PCSK5: variants seen among roughly 807,000 people sequenced by gnomAD.
PCSK5 encodes proprotein convertase subtilisin/kexin type 5, also known as prohormone convertase 5.
Under a neutral mutation model 233.2 loss-of-function variants are expected in PCSK5, and 129 were observed. That is an observed-to-expected ratio of 0.55 (90% CI 0.48 to 0.64). PCSK5 has a LOEUF of 0.64. PCSK5 is among the 30% of genes least tolerant of loss of function. PCSK5 has a pLI of 0.00. For missense variants in PCSK5, 2,076 were observed against 2,430.1 expected, an observed-to-expected ratio of 0.85 and a Z score of 3.06; for synonymous variants, 825 against 879.2, an observed-to-expected ratio of 0.94 and a Z score of 1.09.
At chr9:75,977,997 T>C (rs1471283833) in intron 2 of PCSK5, among the ~76,000 whole-genome samples, 3 of 152,160 alleles carry the variant, frequency 2.0e-5, no homozygotes, top group Non-Finnish European at 2.9e-5. Context: ...GATCATATCC[T>C]TCATTAATAT....
At position 76,211,743 on chromosome 9, in the gene PCSK5, G is replaced by A. The variant is rs75270137; in HGVS notation, c.2627-15760G>A. Reference sequence around the variant, plus strand: ...CACGCCTGTGGTCCCAGCTACTCAGGAGGCTGAGGCTAGATGAGTGCTTAA... The same window carrying A: ...CACGCCTGTGGTCCCAGCTACTCAGAAGGCTGAGGCTAGATGAGTGCTTAA... On this transcript the variant is annotated intron_variant, in intron 20 of 37. Coordinates refer to ENST00000674117, the MANE Select transcript of PCSK5 (RefSeq NM_001372043.1). Among the ~76,000 whole-genome samples, 1,194 of 152,296 alleles carry A rather than the reference G, an allele frequency of 7.8e-3. 12 individuals are homozygous for A. The highest frequency in any genetic ancestry group is 0.031 in the Middle Eastern group (9 of 294).
At chr9:76,052,962 C>T (rs1383210729) in intron 5 of PCSK5, among the ~76,000 whole-genome samples, 1 of 152,212 alleles carries the variant, frequency 6.6e-6, no homozygotes, top group East Asian at 1.9e-4. Flanking sequence ...AATCTTAAAG[C>T]TCCAAAATGA....
At chr9:75,987,316 T>G (rs532184792) in intron 3 of PCSK5, among the ~76,000 whole-genome samples, 1 of 152,272 alleles carries the variant, frequency 6.6e-6, no homozygotes, top group South Asian at 2.1e-4. Flanking sequence ...TTTTCCCTCC[T>G]CTGGTCTCTT....
intron 12 of PCSK5, among the ~76,000 whole-genome samples, chr9:76,162,559 G>T (rs1822910466): frequency 6.6e-6 from 1 of 152,090 alleles, no homozygotes; most frequent in African/African-American, 2.4e-5. Flanking sequence ...AAATGAAGAG[G>T]TCAGGTTTTA....
chr9:76,344,766 C>A (rs1280371271), intron 35 of PCSK5, among the ~76,000 whole-genome samples: 3 of 152,092 alleles, frequency 2.0e-5, no homozygotes, highest in African/African-American at 7.2e-5. Context: ...ATCTGACGAC[C>A]CTAATTCCAG....
At chr9:75,892,600 G>A (rs1587318713) in intron 1 of PCSK5, among the ~76,000 whole-genome samples, 1 of 152,324 alleles carries the variant, frequency 6.6e-6, no homozygotes, top group South Asian at 2.1e-4. Context: ...GGCTGGTGCC[G>A]GCGGAGTGGG....
chr9:75,937,736 G>A lies in PCSK5; in HGVS notation c.297+5253G>A, dbSNP rs561923564. On this transcript the variant is annotated intron_variant, in intron 2 of 37. Coordinates refer to ENST00000674117, the MANE Select transcript of PCSK5 (RefSeq NM_001372043.1). ...GCTGTCTTCATCATTGATCTTAGCT[G>A]GATCTTCTGTATCACTTGCTGCAGC... Among the ~76,000 whole-genome samples, 13 of 152,266 alleles carry A rather than the reference G, an allele frequency of 8.5e-5. 1 individual carries two copies. The South Asian group carries it at 1.5e-3, about 17-fold the overall frequency.
In PCSK5 at chr9:76,096,601, C is replaced by CT. The variant is rs756676487; in HGVS notation, c.1107+514dup. Among the ~76,000 whole-genome samples, 563 of 140,964 alleles carry CT rather than the reference C, an allele frequency of 4.0e-3. 1 individual carries two copies. The highest frequency in any genetic ancestry group is 0.011 in the Middle Eastern group (3 of 272). The allele number at this position is 140,964 out of a possible 152,430, so 92.5% of individuals were successfully genotyped here. Reference sequence around the variant, plus strand: ...CTAAACCTCTGTAAAAGGTGCGTTTCTTTTTTTTTTTTTTTCCTTTGAGAT... The same window carrying CT: ...CTAAACCTCTGTAAAAGGTGCGTTTCTTTTTTTTTTTTTTTTCCTTTGAGAT... On this transcript the variant is annotated intron_variant, in intron 8 of 37. Coordinates refer to ENST00000674117, the MANE Select transcript of PCSK5 (RefSeq NM_001372043.1).
intron 8 of PCSK5, among the ~76,000 whole-genome samples, chr9:76,099,029 C>G (rs930920219): frequency 6.6e-6 from 1 of 152,206 alleles, no homozygotes; most frequent in Non-Finnish European, 1.5e-5. Context: ...AGGTCATATA[C>G]TTTTCCCCAA....
intron 3 of PCSK5, among the ~76,000 whole-genome samples, chr9:75,987,767 G>A (rs1456509128): frequency 6.6e-6 from 1 of 152,236 alleles, no homozygotes; most frequent in Non-Finnish European, 1.5e-5. Context: ...AGCACTGGCA[G>A]GAGCTAAGGA....
At chr9:76,110,833 G>A (rs1180645478) in intron 9 of PCSK5, among the ~76,000 whole-genome samples, 1 of 152,108 alleles carries the variant, frequency 6.6e-6, no homozygotes, top group Non-Finnish European at 1.5e-5. Flanking sequence ...CTATGGCCAG[G>A]AACAGTGGCT....
intron 21 of PCSK5, among the ~76,000 whole-genome samples, chr9:76,229,337 C>T (rs2067627): frequency 0.02 from 2,981 of 152,292 alleles, 94 homozygotes; most frequent in African/African-American, 0.067. Flanking sequence ...AGCTACCACC[C>T]TTCTTTTACA....
intron 7 of PCSK5, among the ~76,000 whole-genome samples, chr9:76,078,567 A>G (rs1830721291): frequency 6.6e-6 from 1 of 152,234 alleles, no homozygotes; most frequent in Non-Finnish European, 1.5e-5. Context: ...AGCGCCATTT[A>G]TTGAATAAGG....
chr9:76,177,629 A>G (rs940480588), intron 14 of PCSK5, among the ~76,000 whole-genome samples: 18 of 152,212 alleles, frequency 1.2e-4, no homozygotes, highest in African/African-American at 4.1e-4. Context: ...CGGATAGGAG[A>G]AAGTAGATCC....
intron 2 of PCSK5, among the ~76,000 whole-genome samples, chr9:75,960,717 C>T (rs915236018): frequency 5.9e-5 from 9 of 152,160 alleles, no homozygotes; most frequent in African/African-American, 2.2e-4. Context: ...GTGCTCCAGC[C>T]GTGCTCTACT....
At chr9:75,982,663 A>T (rs1826329415) in intron 2 of PCSK5, among the ~76,000 whole-genome samples, 1 of 150,926 alleles carries the variant, frequency 6.6e-6, no homozygotes, top group Non-Finnish European at 1.5e-5. Flanking sequence ...AATTGTTGAA[A>T]CTGTCTCTAT....
At chr9:76,023,616 TCA>T (rs1221906137) in intron 3 of PCSK5, 120 bp from the exon 4 acceptor site, 1 of 842,266 alleles carries the variant, frequency 1.2e-6, no homozygotes, top group Non-Finnish European at 1.8e-6. Context: ...AGTAAGCTCA[TCA>T]CACTACTACA....
At chr9:76,082,494 T>C (rs1485683556) in intron 7 of PCSK5, among the ~76,000 whole-genome samples, 1 of 152,188 alleles carries the variant, frequency 6.6e-6, no homozygotes, top group Non-Finnish European at 1.5e-5. Context: ...GGTTATAATA[T>C]TCCAGGCACT....
chr9:76,354,987 C>T (rs146759261), intron 37 of PCSK5, among the ~76,000 whole-genome samples: 1 of 152,176 alleles, frequency 6.6e-6, no homozygotes, highest in African/African-American at 2.4e-5. Context: ...CTATGAAAGT[C>T]AGCCCAAACC....
Sources: gnomAD v4.1 joint callset for allele counts (sites outside exome capture counted in the v4.1 genomes callset) on GRCh38, gnomAD v4.1.1 for gene constraint, MANE v1.5 for transcripts, NCBI Gene and HGNC (gene_info 2026-07-23, HGNC 2026-07-21) for gene names.